The following PROX1 variants were observed in gnomAD, a reference collection of about 807,000 sequenced individuals.
PROX1 encodes prospero homeobox 1.
In PROX1, 7 loss-of-function variants were observed where a neutral mutation model predicts 58.8. That is an observed-to-expected ratio of 0.12 (90% CI 0.07 to 0.22). The LOEUF (loss-of-function observed/expected upper bound fraction) is 0.22, where lower values mean the gene tolerates loss of function less well. Among genes scored for constraint, PROX1 ranks in the 10% least tolerant of loss-of-function variants. PROX1 has a pLI of 1.00. For missense variants in PROX1, 675 were observed against 927.8 expected (o/e 0.73, Z 3.54); for synonymous variants, 350 against 358.3 (o/e 0.98, Z 0.26).
chr1:213,987,224 G>A (rs1165786052), upstream of PROX1, among the ~76,000 whole-genome samples: 1 of 152,190 alleles, frequency 6.6e-6, no homozygotes, highest in East Asian at 1.9e-4. Flanking sequence ...CTCAGCCAAT[G>A]TTGATCTTCG....
rs887683966 is a variant in PROX1 at position 214,031,091 on chromosome 1, A to G, written c.2029-4558A>G. 3.3e-5 allele frequency among the ~76,000 whole-genome samples: 5 copies of G among 151,738 alleles called. No homozygotes were observed. In the East Asian group the frequency reaches 7.8e-4, roughly 24 times the overall value. ...TGCGCGCGCGCGCATTCGCGCACGCACACACACGCGCAACCCAGCTGTGGA... is the reference window on the plus strand; with the variant it reads ...TGCGCGCGCGCGCATTCGCGCACGCGCACACACGCGCAACCCAGCTGTGGA... On this transcript the variant is annotated intron_variant, in intron 4 of 4. Coordinates refer to ENST00000366958, the MANE Select transcript of PROX1 (RefSeq NM_001270616.2).
rs190762910 is a variant in PROX1 at position 214,026,343 on chromosome 1, C to T, written c.2029-9306C>T. 4.8e-4 allele frequency among the ~76,000 whole-genome samples: 73 copies of T among 152,268 alleles called. 1 individual carries two copies. In the Middle Eastern group the frequency reaches 0.017, roughly 35 times the overall value. On this transcript the variant is annotated intron_variant, in intron 4 of 4. Coordinates refer to ENST00000366958, the MANE Select transcript of PROX1 (RefSeq NM_001270616.2). Reference sequence around the variant, plus strand: ...GTTCACTGACCAAATTTCAGCCCCACGAAATAATTTTGACAGTCTCTCATA... The same window carrying T: ...GTTCACTGACCAAATTTCAGCCCCATGAAATAATTTTGACAGTCTCTCATA...
intron 1 of PROX1, 59 bp downstream of exon 1, chr1:213,988,542 G>A (rs921507328): frequency 4.6e-5 from 7 of 151,968 alleles, no homozygotes; most frequent in African/African-American, 1.7e-4. Context: ...CACTTGCACT[G>A]TCTTGTTCTT....
At position 214,038,756 on chromosome 1, in the gene PROX1, T is replaced by C. The variant is rs541053629; in HGVS notation, c.*2922T>C. The C allele has an allele frequency of 8.5e-5, 13 of 152,358 alleles. No individual in the cohort carries two copies. Among genetic ancestry groups the C allele is most frequent in the Admixed American group, 2.6e-4 (4 of 15,308 alleles). 9.4% of individuals were successfully genotyped at this position (152,358 alleles called of 1,614,324 possible). A position where few individuals can be genotyped will look rare whatever the true frequency, so the allele number is the denominator to read the frequency against. ...TCTTTTTGACTTTATTTCCAATTAC[T>C]ACAGCTGCAATAAACACTAGATTTT... On this transcript the variant is annotated 3_prime_UTR_variant, in exon 5 of 5. Coordinates refer to ENST00000366958, the MANE Select transcript of PROX1 (RefSeq NM_001270616.2).
At position 213,996,630 on chromosome 1, in the gene PROX1, C is replaced by A. The variant is rs189248628; in HGVS notation, c.95C>A (p.Ala32Glu). ...AAAAGGACGGTAGGGACAGCATCTG[C>A]ATTTTTTGCTAAGGCAAGAGCAACG... The part of the protein sequence containing the change: ...GVKRTVGTAS[A>E]FFAKARATFF... The change falls in exon 2 of 5, where the codon GCA (alanine) becomes GAA (glutamate). Residue 32 changes from alanine to glutamate, a missense_variant. Transcript: ENST00000366958. 263 of 1,614,126 alleles carry A rather than the reference C, an allele frequency of 1.6e-4. No homozygotes were observed. Among genetic ancestry groups the A allele is most frequent in the Non-Finnish European group, 2.2e-4 (255 of 1,180,018 alleles).
chr1:213,987,860 G>A (rs1017151543), upstream of PROX1: 6 of 151,154 alleles, frequency 4.0e-5, no homozygotes, highest in African/African-American at 1.5e-4. Flanking sequence ...GAATCCGAAG[G>A]CGCCTCGCGA....
intron 2 of PROX1, among the ~76,000 whole-genome samples, chr1:214,001,494 C>T (rs1265010814): frequency 2.0e-5 from 3 of 152,168 alleles, no homozygotes; most frequent in Non-Finnish European, 2.9e-5. Flanking sequence ...CAAACATTTG[C>T]ATGCACCCAG....
chr1:214,002,412 C>CT (rs774337530), intron 2 of PROX1, among the ~76,000 whole-genome samples: 3,070 of 116,314 alleles, frequency 0.026, 150 homozygotes, highest in African/African-American at 0.088. Context: ...TTTCTTTTTT[C>CT]TTTTTTTTTT....
intron 2 of PROX1, among the ~76,000 whole-genome samples, chr1:214,003,585 T>G (rs1663601469): frequency 6.6e-6 from 1 of 152,240 alleles, no homozygotes; most frequent in Non-Finnish European, 1.5e-5. Context: ...CTGCTTTGGC[T>G]TACAGATATA....
At chr1:214,034,078 AT>A (rs1664751587) in intron 4 of PROX1, among the ~76,000 whole-genome samples, 1 of 152,156 alleles carries the variant, frequency 6.6e-6, no homozygotes, top group African/African-American at 2.4e-5. Context: ...CTTAAGACTG[AT>A]TGGCCCCAAA....
chr1:214,030,688 CTT>C (rs1164096528), intron 4 of PROX1: 1 of 152,228 alleles, frequency 6.6e-6, no homozygotes, highest in African/African-American at 2.4e-5. Flanking sequence ...GAGAGGCTGT[CTT>C]CTTTTTAACC....
At chr1:214,008,935 A>G (rs981776845) in intron 3 of PROX1, among the ~76,000 whole-genome samples, 43 of 152,326 alleles carry the variant, frequency 2.8e-4, no homozygotes, top group African/African-American at 8.9e-4. Context: ...CAAATGTGAG[A>G]GAGCTGCCAG....
intron 2 of PROX1, among the ~76,000 whole-genome samples, chr1:214,001,866 A>T (rs982994070): frequency 3.3e-4 from 44 of 135,008 alleles, no homozygotes; most frequent in Non-Finnish European, 2.1e-4. Context: ...TAAGTAAATT[A>T]AAAAAAAAAA....
chr1:213,990,659 C>CGTGTGTGTGTGTGTGTGTGT (rs71165944), intron 1 of PROX1, among the ~76,000 whole-genome samples: 6 of 135,918 alleles, frequency 4.4e-5, no homozygotes, highest in East Asian at 2.2e-4. Context: ...AGAGAACTGT[C>CGTGTGTGTGTGTGTGTGTGT]GTGTGTGTGT....
At chr1:214,015,505 G>A (rs1046469424) in intron 4 of PROX1, among the ~76,000 whole-genome samples, 12 of 151,988 alleles carry the variant, frequency 7.9e-5, no homozygotes, top group Non-Finnish European at 1.3e-4. Flanking sequence ...CTTTAGGGGC[G>A]TATGAGTTGG....
chr1:214,027,317 G>C (rs910383140), intron 4 of PROX1, among the ~76,000 whole-genome samples: 8 of 151,618 alleles, frequency 5.3e-5, no homozygotes, highest in Non-Finnish European at 8.8e-5. Flanking sequence ...TCACTAGAGA[G>C]TTTGGCTTCG....
intron 1 of PROX1, among the ~76,000 whole-genome samples, chr1:213,996,182 C>T (rs2102692407): frequency 6.6e-6 from 1 of 152,128 alleles, no homozygotes; most frequent in African/African-American, 2.4e-5. Flanking sequence ...ACTGTTTCTT[C>T]TGAAGATAAA....
In PROX1 at chr1:214,040,650, A is replaced by G. The variant is rs750937251; in HGVS notation, c.*4816A>G. The G allele has an allele frequency of 6.6e-6, 1 of 152,170 alleles. No individual in the cohort carries two copies. The allele number at this position is 152,170 out of a possible 1,614,324, so 9.4% of individuals were successfully genotyped here. ...CGTGACAAAACACTGCCTTTATATTATTTAGCAATATGTTGTAAATAGCAT... is the reference window on the plus strand; with the variant it reads ...CGTGACAAAACACTGCCTTTATATTGTTTAGCAATATGTTGTAAATAGCAT... On this transcript the variant is annotated 3_prime_UTR_variant, in exon 5 of 5. Coordinates refer to ENST00000366958, the MANE Select transcript of PROX1 (RefSeq NM_001270616.2).
chr1:214,027,710 A>G (rs1163303826), intron 4 of PROX1, among the ~76,000 whole-genome samples: 2 of 152,172 alleles, frequency 1.3e-5, no homozygotes, highest in Non-Finnish European at 2.9e-5. Context: ...CTAGCCGAGA[A>G]AACGAAAATC....
Sources: allele counts gnomAD v4.1 joint callset (sites outside exome capture counted in the v4.1 genomes callset), GRCh38; gene constraint gnomAD v4.1.1; transcripts MANE v1.5; gene names NCBI Gene and HGNC (gene_info 2026-07-23, HGNC 2026-07-21).